Variants in NAA38 observed in about 807,000 individuals in gnomAD.
The protein encoded by NAA38 is N-alpha-acetyltransferase 38, NatC auxiliary subunit, also known as LSM domain containing 1.
Under a neutral mutation model 12.6 loss-of-function variants are expected in NAA38, and 15 were observed. That is an observed-to-expected ratio of 1.19 (90% confidence interval 0.79 to 1.83). The LOEUF (loss-of-function observed/expected upper bound fraction) is 1.83, where lower values mean the gene tolerates loss of function less well. Among genes scored for constraint, NAA38 ranks in the 40% most tolerant of loss-of-function variants. NAA38 has a pLI of 0.00. For synonymous variants in NAA38, 88 were observed against 69.9 expected, an observed-to-expected ratio of 1.26 and a Z score of -1.29; for missense variants, 183 against 171.7, an observed-to-expected ratio of 1.07 and a Z score of -0.37.
intron 2 of NAA38, among the ~76,000 whole-genome samples, chr17:7,877,900 G>A (rs533659432): frequency 1.3e-5 from 2 of 152,158 alleles, no homozygotes; most frequent in Admixed American, 6.5e-5. Flanking sequence ...ATTGGAAACC[G>A]AAAGATAAAA....
At position 7,857,421 on chromosome 17, in the gene NAA38, C is replaced by T; in HGVS notation, c.43G>A (p.Gly15Ser). 1.3e-6 allele frequency: 2 copies of T among 1,593,088 alleles called. No individual in the cohort carries two copies. Among genetic ancestry groups the T allele is most frequent in the Admixed American group, 1.8e-5 (1 of 54,094 alleles). The change falls in exon 1 of 3, where the codon GGC becomes AGC. Residue 15 changes from glycine to serine, a missense_variant. Coordinates refer to ENST00000575771, the MANE Select transcript of NAA38 (RefSeq NM_001320925.4). ...CTGCTCTGACGCCGACTGCAACAGCCATTCTCTTCTCGTAGCAGCATGGTC... is the reference window on the plus strand; with the variant it reads ...CTGCTCTGACGCCGACTGCAACAGCTATTCTCTTCTCGTAGCAGCATGGTC... The part of the protein sequence containing the change: ...GPTMLLREEN[G>S]CCSRRQSSSS...
upstream of NAA38, chr17:7,885,307 C>CCCGCCGCCGCCGCCCCCGCCGCCGCCG (rs1555603805): frequency 1.9e-5 from 3 of 157,218 alleles, no homozygotes; most frequent in African/African-American, 8.0e-5. Context: ...GCACCCCTCC[C>CCCGCCGCCGCCGCCCCCGCCGCCGCCG]CCGCCGCCGC....
At chr17:7,881,078 A>G (rs1257623562) in intron 2 of NAA38, among the ~76,000 whole-genome samples, 1 of 152,216 alleles carries the variant, frequency 6.6e-6, no homozygotes, top group African/African-American at 2.4e-5. Context: ...AAAGCAAGCA[A>G]GCAAAAAGAC....
chr17:7,858,067 T>C, upstream of NAA38: 3 of 1,595,394 alleles, frequency 1.9e-6, 1 homozygote, highest in South Asian at 2.2e-5. Context: ...GAGGTCGTAG[T>C]AGTAGTGAGT....
At chr17:7,863,999 G>A (rs940479374) in intron 3 of NAA38, 2 of 152,100 alleles carry the variant, frequency 1.3e-5, no homozygotes, top group African/African-American at 4.8e-5. Context: ...GTACCTTGGA[G>A]CTGAGTAAAG....
chr17:7,883,475 G>A (rs557636530), intron 1 of NAA38: 1 of 152,242 alleles, frequency 6.6e-6, no homozygotes, highest in South Asian at 2.1e-4. Flanking sequence ...TGGAGGAGGG[G>A]AAAGCGAGGG....
intron 2 of NAA38, among the ~76,000 whole-genome samples, chr17:7,877,906 T>C (rs1368449810): frequency 6.6e-6 from 1 of 152,160 alleles, no homozygotes. Flanking sequence ...AACCGAAAGA[T>C]AAAAGTTCAA....
intron 2 of NAA38, among the ~76,000 whole-genome samples, chr17:7,875,144 G>A (rs925958942): frequency 1.3e-5 from 2 of 150,174 alleles, no homozygotes; most frequent in Admixed American, 1.3e-4. Context: ...GCAGTGAGCT[G>A]TGATCACGCC....
rs1282263683 is a variant in NAA38 at position 7,857,417 on chromosome 17, C to T, written c.47G>A (p.Cys16Tyr). 6.3e-7 allele frequency: 1 copy of T among 1,594,070 alleles called. No homozygotes were observed. The highest frequency in any genetic ancestry group is 8.5e-7 in the Non-Finnish European group (1 of 1,172,716). ...PTMLLREENG[C>Y]CSRRQSSSSA... ...GGAGCTGCTCTGACGCCGACTGCAA[C>T]AGCCATTCTCTTCTCGTAGCAGCAT... Residue 16 changes from cysteine to tyrosine, a missense_variant, in exon 1 of 3, where the codon TGT becomes TAT. Transcript: ENST00000575771.
At chr17:7,861,706 A>G (rs577632170), upstream of NAA38, 2 of 152,298 alleles carry the variant, frequency 1.3e-5, no homozygotes, top group African/African-American at 4.8e-5. Context: ...CCAAGTTACC[A>G]TCACCTCTTG....
At chr17:7,858,547 G>T (rs539716300), upstream of NAA38, 825 of 1,613,414 alleles carry the variant, frequency 5.1e-4, no homozygotes, top group South Asian at 1.2e-3. Flanking sequence ...AGGAAAGGCG[G>T]AGGCTAGCCA....
In NAA38 at chr17:7,857,020, G is replaced by A. The variant is rs1175888602; in HGVS notation, c.260C>T (p.Pro87Leu). ...TGCATTCCCCGGGCACTGACCCGACGGCTTGAGGAACTCCTGCGCCGAGCC... is the reference window on the plus strand; with the variant it reads ...TGCATTCCCCGGGCACTGACCCGACAGCTTGAGGAACTCCTGCGCCGAGCC... ...ILGSAQEFLK[P>L]SDSFSAGEPR... The change falls in exon 2 of 3, where the codon CCG becomes CTG. Residue 87 changes from proline to leucine, a missense_variant. Coordinates refer to ENST00000575771, the MANE Select transcript of NAA38 (RefSeq NM_001320925.4). 9 of 1,604,044 alleles carry A rather than the reference G, an allele frequency of 5.6e-6. No individual in the cohort carries two copies. Among genetic ancestry groups the A allele is most frequent in the South Asian group, 1.1e-5 (1 of 90,858 alleles).
chr17:7,867,652 AG>A (rs544322870), intron 2 of NAA38, among the ~76,000 whole-genome samples: 21 of 152,322 alleles, frequency 1.4e-4, no homozygotes, highest in African/African-American at 4.8e-4. Flanking sequence ...GGTTTTATAG[AG>A]AGAATCACAT....
At chr17:7,870,425 G>C (rs1967065638) in intron 2 of NAA38, among the ~76,000 whole-genome samples, 1 of 152,110 alleles carries the variant, frequency 6.6e-6, no homozygotes, top group South Asian at 2.1e-4. Context: ...CTAAAAGGCA[G>C]CAATAGAAGG....
chr17:7,865,786 C>T (rs1402580789), intron 3 of NAA38: 1 of 152,056 alleles, frequency 6.6e-6, no homozygotes, highest in Non-Finnish European at 1.5e-5. Flanking sequence ...GGTATCCAGC[C>T]CAGTCTAGGG....
upstream of NAA38, chr17:7,862,376 G>A (rs941465817): frequency 6.6e-6 from 1 of 152,168 alleles, no homozygotes; most frequent in Admixed American, 6.5e-5. Flanking sequence ...TGGTTCCTGT[G>A]CTATAGTCTC....
At chr17:7,874,153 A>G (rs1967134352) in intron 2 of NAA38, among the ~76,000 whole-genome samples, 1 of 152,178 alleles carries the variant, frequency 6.6e-6, no homozygotes, top group Admixed American at 6.5e-5. Context: ...AGAGGTGAAG[A>G]TGGTATAGCT....
rs1486549722 is a variant in NAA38, at chr17:7,856,852, A to G, written c.266-9T>C. On this transcript the variant is annotated splice_polypyrimidine_tract_variant and intron_variant, in intron 2 of 2. Coordinates refer to ENST00000575771, the MANE Select transcript of NAA38 (RefSeq NM_001320925.4). ...CCCGGCAGAGAAGGAATCTGGAAAGAAGGATCAGAGCATCAGGAAAGTAGG... is the reference window on the plus strand; with the variant it reads ...CCCGGCAGAGAAGGAATCTGGAAAGGAGGATCAGAGCATCAGGAAAGTAGG... 6.2e-7 allele frequency: 1 copy of G among 1,613,222 alleles called. No homozygotes were observed. The highest frequency in any genetic ancestry group is 1.3e-5 in the African/African-American group (1 of 74,936).
chr17:7,856,860 G>T lies in NAA38; in HGVS notation c.266-17C>A. 1 of 1,612,494 alleles carries T rather than the reference G, an allele frequency of 6.2e-7. No individual in the cohort carries two copies. The highest frequency in any genetic ancestry group is 2.2e-5 in the East Asian group (1 of 44,852). ...AGAAGGAATCTGGAAAGAAGGATCAGAGCATCAGGAAAGTAGGCCAGAATC... is the reference window on the plus strand; with the variant it reads ...AGAAGGAATCTGGAAAGAAGGATCATAGCATCAGGAAAGTAGGCCAGAATC... On this transcript the variant is annotated splice_polypyrimidine_tract_variant and intron_variant, in intron 2 of 2. Transcript: ENST00000575771.
Sources: allele counts gnomAD v4.1 joint callset (sites outside exome capture counted in the v4.1 genomes callset), GRCh38; gene constraint gnomAD v4.1.1; transcripts MANE v1.5; gene names NCBI Gene and HGNC (gene_info 2026-07-23, HGNC 2026-07-21).